The following NPIPB2 variants were observed in gnomAD, a reference collection of about 807,000 sequenced individuals.
The protein encoded by NPIPB2 is nuclear pore complex-interacting protein family member B2.
A neutral mutation model predicts 30.8 loss-of-function variants in NPIPB2; 27 were observed. The observed-to-expected ratio is 0.88, with a 90% CI of 0.65 to 1.21. The LOEUF (loss-of-function observed/expected upper bound fraction) is 1.21. NPIPB2 is among the 50% of genes most tolerant of loss of function. NPIPB2 has a pLI of 0.00. For missense variants in NPIPB2, 440 were observed against 446.2 expected, an observed-to-expected ratio of 0.99 and a Z score of 0.13; for synonymous variants, 147 against 162.0, an observed-to-expected ratio of 0.91 and a Z score of 0.70.
chr16:11,941,312 G>C, intron 1 of NPIPB2: 1 of 1,133,600 alleles, frequency 8.8e-7, no homozygotes, highest in East Asian at 4.8e-5. Context: ...GCAGGGGGAG[G>C]GAAGGGGACA....
intron 1 of NPIPB2, chr16:11,941,043 C>G: frequency 2.0e-6 from 2 of 980,406 alleles, no homozygotes; most frequent in Non-Finnish European, 2.8e-6. Context: ...AACTCCTGGA[C>G]TCAAGTGATC....
exon 8 of NPIPB2, chr16:11,927,637 G>A (rs1176738064): frequency 6.3e-7 from 1 of 1,599,052 alleles, no homozygotes; most frequent in South Asian, 1.1e-5. Context: ...GTGGAGCTGA[G>A]GGTGGAAGGG....
intron 1 of NPIPB2, among the ~76,000 whole-genome samples, chr16:11,955,457 C>A (rs947939580): frequency 1.3e-5 from 2 of 151,196 alleles, no homozygotes; most frequent in Non-Finnish European, 2.9e-5. Context: ...CGCCTGTAAT[C>A]CCAGCACTTT....
intron 5 of NPIPB2, among the ~76,000 whole-genome samples, chr16:11,930,228 A>T (rs1377342379): frequency 3.5e-5 from 4 of 114,472 alleles, no homozygotes; most frequent in African/African-American, 1.4e-4. Flanking sequence ...TCTAGCTGGC[A>T]ATGGGGTCAG....
chr16:11,939,377 C>A (rs1322272195), intron 1 of NPIPB2, among the ~76,000 whole-genome samples: 1 of 151,446 alleles, frequency 6.6e-6, no homozygotes, highest in African/African-American at 2.4e-5. Flanking sequence ...CTAGCTAACA[C>A]GGTGAAACCC....
chr16:11,976,038 T>C (rs926254303), intron 1 of NPIPB2, among the ~76,000 whole-genome samples: 3 of 151,970 alleles, frequency 2.0e-5, no homozygotes, highest in African/African-American at 7.2e-5. Flanking sequence ...GCCTCCGCCC[T>C]CCCAAGTGCT....
chr16:11,954,066 C>G (rs2055090287), intron 1 of NPIPB2, among the ~76,000 whole-genome samples: 1 of 151,818 alleles, frequency 6.6e-6, no homozygotes, highest in Non-Finnish European at 1.5e-5. Context: ...GTTAAGCAGT[C>G]TTTTATTAAT....
At chr16:11,954,040 A>T (rs1476363152) in intron 1 of NPIPB2, among the ~76,000 whole-genome samples, 1 of 152,036 alleles carries the variant, frequency 6.6e-6, no homozygotes, top group African/African-American at 2.4e-5. Flanking sequence ...TATAATTTTA[A>T]AATTATAGTA....
chr16:11,954,136 T>C (rs567217930), intron 1 of NPIPB2, among the ~76,000 whole-genome samples: 1 of 152,222 alleles, frequency 6.6e-6, no homozygotes, highest in Non-Finnish European at 1.5e-5. Context: ...TTTCTAGTAA[T>C]CTGCTTTGTA....
downstream of NPIPB2, chr16:11,927,273 A>T (rs2054728129): frequency 2.9e-6 from 2 of 685,410 alleles, no homozygotes; most frequent in Non-Finnish European, 2.5e-6. Context: ...TTTTATTTTT[A>T]TATTATTTAT....
At chr16:11,946,479 G>C (rs1030863599), upstream of NPIPB2, among the ~76,000 whole-genome samples, 9 of 151,834 alleles carry the variant, frequency 5.9e-5, no homozygotes, top group East Asian at 7.7e-4. Context: ...AGGCTGAGGT[G>C]GGGGGATAGT....
At chr16:11,949,868 C>A (rs1384908226) in intron 1 of NPIPB2, among the ~76,000 whole-genome samples, 1 of 152,100 alleles carries the variant, frequency 6.6e-6, no homozygotes, top group Non-Finnish European at 1.5e-5. Flanking sequence ...GCGGCCTTTC[C>A]CCAGAGATTC....
In NPIPB2 at chr16:11,968,236, A is replaced by T. The variant is rs2055211868; in HGVS notation, c.-584+8332T>A. 2.0e-5 allele frequency among the ~76,000 whole-genome samples: 3 copies of T among 152,154 alleles called. No homozygotes were observed. The South Asian group carries it at 6.2e-4, about 32-fold the overall frequency. On this transcript the variant is annotated intron_variant, in intron 1 of 5. Transcript: ENST00000538896. Reference sequence around the variant, plus strand: ...TCATGCCTGTAATCCCAGCACTTTGAAAGGCCGAGGCGGGCAGATTACCTG... The same window carrying T: ...TCATGCCTGTAATCCCAGCACTTTGTAAGGCCGAGGCGGGCAGATTACCTG...
chr16:11,944,327 C>T (rs2054978767), upstream of NPIPB2, among the ~76,000 whole-genome samples: 1 of 151,706 alleles, frequency 6.6e-6, no homozygotes, highest in Non-Finnish European at 1.5e-5. Flanking sequence ...CCACCACACC[C>T]AGCTAATTTT....
intron 1 of NPIPB2, chr16:11,966,986 ATTT>A: frequency 1.5e-5 from 1 of 68,716 alleles, no homozygotes; most frequent in Non-Finnish European, 2.3e-5. Context: ...GCATTTATTT[ATTT>A]ATTTATTTAT....
chr16:11,937,701 T>C, intron 1 of NPIPB2, 33 bp from the exon 2 acceptor site: 1 of 1,595,450 alleles, frequency 6.3e-7, no homozygotes, highest in Middle Eastern at 1.7e-4. Flanking sequence ...AATGAAAAGG[T>C]CAATGACACT....
intron 1 of NPIPB2, among the ~76,000 whole-genome samples, chr16:11,952,158 A>AG (rs2055072329): frequency 9.3e-6 from 1 of 107,676 alleles, no homozygotes; most frequent in South Asian, 3.6e-4. Context: ...GCCTCAAAAA[A>AG]AAAAACAAAA....
At chr16:11,948,790 A>AG (rs904338988) in intron 1 of NPIPB2, among the ~76,000 whole-genome samples, 3 of 150,178 alleles carry the variant, frequency 2.0e-5, no homozygotes, top group Admixed American at 6.7e-5. Flanking sequence ...AAAAAAAAAA[A>AG]AAAGAAAGAA....
upstream of NPIPB2, among the ~76,000 whole-genome samples, chr16:11,946,838 G>A (rs1272957489): frequency 6.6e-6 from 1 of 151,722 alleles, no homozygotes; most frequent in Non-Finnish European, 1.5e-5. Flanking sequence ...ACATAAACTC[G>A]CCTCCTGAGT....
Sources: gnomAD v4.1 joint callset for allele counts (sites outside exome capture counted in the v4.1 genomes callset) on GRCh38, gnomAD v4.1.1 for gene constraint, MANE v1.5 for transcripts, NCBI Gene and HGNC (gene_info 2026-07-23, HGNC 2026-07-21) for gene names.